The following SMARCA4 variants were observed in gnomAD, a reference collection of about 807,000 sequenced individuals.
The protein encoded by SMARCA4 is SWI/SNF-related matrix-associated actin-dependent regulator of chromatin subfamily A member 4.
A neutral mutation model predicts 193.9 loss-of-function variants in SMARCA4; 31 were observed. The ratio of observed to expected loss-of-function variants is 0.16; its 90% CI spans 0.12 to 0.22. The LOEUF (loss-of-function observed/expected upper bound fraction) is 0.22. Ranked by LOEUF, SMARCA4 falls within the 10% of genes least tolerant of loss-of-function variation. The pLI is 1.00. For missense variants in SMARCA4, 1,148 were observed against 2,296.0 expected, an observed-to-expected ratio of 0.50 and a Z score of 10.22; for synonymous variants, 942 against 933.1, an observed-to-expected ratio of 1.01 and a Z score of -0.17.
rs115248344 is a variant in SMARCA4 at position 11,059,987 on chromosome 19, T to G, written c.4769-58T>G. ...CTCCCGGCTCCCAGACGCCCCTTGC[T>G]GTGGGGGTGCTGCATTCCCAGAGCT... is the stretch of plus-strand genomic sequence containing the variant. On this transcript the variant is annotated intron_variant, in intron 33 of 34. Transcript: ENST00000344626. The G allele has an allele frequency of 4.0e-4, 646 of 1,610,190 alleles. 7 individuals carry two copies. In the African/African-American group the frequency reaches 7.9e-3, roughly 20 times the overall value.
chr19:10,980,801 G>C (rs1465318464), intron 1 of SMARCA4: 1 of 152,184 alleles, frequency 6.6e-6, no homozygotes, highest in East Asian at 1.9e-4. Context: ...GCCCAGGCTA[G>C]AGTGCAGTGG....
intron 20 of SMARCA4, 37 bp from the exon 21 acceptor site, chr19:11,024,294 A>G (rs1330681117): frequency 6.8e-7 from 1 of 1,478,544 alleles, no homozygotes; most frequent in Admixed American, 1.7e-5. Context: ...GCCTCAAGCC[A>G]CCTTGGGCCC....
At chr19:10,963,370 CAAA>C (rs755616481) in intron 1 of SMARCA4, among the ~76,000 whole-genome samples, 3 of 53,128 alleles carry the variant, frequency 5.6e-5, no homozygotes, top group African/African-American at 7.0e-5. Flanking sequence ...AAGACTGTCT[CAAA>C]AAAAAAAAAA....
intron 19 of SMARCA4, 23 bp downstream of exon 19, chr19:11,021,990 A>C (rs753218826): frequency 6.2e-7 from 1 of 1,611,478 alleles, no homozygotes; most frequent in Non-Finnish European, 8.5e-7. Context: ...AGCTGTGCCC[A>C]TGCTGACGGT....
At chr19:11,057,707 G>A (rs996535230) in intron 30 of SMARCA4, among the ~76,000 whole-genome samples, 12 of 151,342 alleles carry the variant, frequency 7.9e-5, no homozygotes, top group Non-Finnish European at 8.8e-5. Context: ...CCAGTCTGGC[G>A]ACAGAACAAG....
At chr19:10,961,363 C>T (rs2083785315) in intron 1 of SMARCA4, 189 bp downstream of exon 1, 3 of 145,210 alleles carry the variant, frequency 2.1e-5, no homozygotes, top group Admixed American at 7.0e-5. Context: ...GTCGCGAGGC[C>T]GTGGCAGCGG....
rs1019699363 is a variant in SMARCA4, at chr19:11,002,966, C to G, written c.1813-63C>G. ...TTGAGTGGGTGCTTCCCACCTTGGC[C>G]TCTGTAAGTGTTTGGTCTGGAGGCC... is the stretch of plus-strand genomic sequence containing the variant. On this transcript the variant is annotated intron_variant, in intron 11 of 34. Coordinates refer to ENST00000344626, the MANE Select transcript of SMARCA4 (RefSeq NM_003072.5). 9 of 1,603,682 alleles carry G rather than the reference C, an allele frequency of 5.6e-6. No homozygotes were observed. The East Asian group carries it at 2.0e-4, about 36-fold the overall frequency.
At chr19:10,983,976 G>A (rs1013383448) in intron 1 of SMARCA4, 145 bp from the exon 2 acceptor site, 16 of 682,986 alleles carry the variant, frequency 2.3e-5, no homozygotes, top group Middle Eastern at 3.8e-4. Context: ...AGTGATCATG[G>A]AGAAACGGTT....
intron 30 of SMARCA4, among the ~76,000 whole-genome samples, chr19:11,048,457 T>G (rs1442981123): frequency 6.6e-6 from 1 of 152,186 alleles, no homozygotes; most frequent in Non-Finnish European, 1.5e-5. Flanking sequence ...AGCTCTGCAA[T>G]TGAGTTAAAT....
chr19:11,004,734 A>G (rs748771236), intron 13 of SMARCA4, among the ~76,000 whole-genome samples: 3 of 152,056 alleles, frequency 2.0e-5, no homozygotes, highest in Non-Finnish European at 4.4e-5. Context: ...AATTTCTGAT[A>G]TGATTGGGCT....
intron 1 of SMARCA4, among the ~76,000 whole-genome samples, chr19:10,978,963 A>G (rs534285801): frequency 4.6e-5 from 7 of 152,108 alleles, no homozygotes; most frequent in East Asian, 3.9e-4. Flanking sequence ...TAAATAAATA[A>G]ATAGATAGAT....
intron 13 of SMARCA4, among the ~76,000 whole-genome samples, chr19:11,003,858 C>T (rs1015554378): frequency 2.6e-5 from 4 of 151,258 alleles, no homozygotes; most frequent in Admixed American, 2.6e-4. Flanking sequence ...ACTACAGGCG[C>T]CTGCCACCAC....
rs2075583481 is a variant in SMARCA4 at position 11,041,154 on chromosome 19, AGT to A, written c.4171-146_4171-145del. On this transcript the variant is annotated intron_variant, in intron 29 of 34. Coordinates refer to ENST00000344626, the MANE Select transcript of SMARCA4 (RefSeq NM_003072.5). This position sits in a 1 kb window ranked among gnomAD's most constrained non-coding sequence, Gnocchi z 5.6. ...AGCCCAGGCACCCCTTGAGAGTCCCAGTGTGTGTTATGCCCCGAGCCAGTCAA... is the reference window on the plus strand; with the variant it reads ...AGCCCAGGCACCCCTTGAGAGTCCCAGTGTGTTATGCCCCGAGCCAGTCAA... The A allele has an allele frequency of 1.3e-6, 1 of 759,754 alleles. No homozygotes were observed. The highest frequency in any genetic ancestry group is 2.4e-5 in the Admixed American group (1 of 42,438). The allele number at this position is 759,754 out of a possible 1,614,324, so 47.1% of individuals were successfully genotyped here.
intron 9 of SMARCA4, 155 bp from the exon 10 acceptor site, chr19:10,996,058 C>G (rs1401948982): frequency 1.2e-6 from 1 of 803,016 alleles, no homozygotes; most frequent in Admixed American, 1.8e-5. Context: ...GAAATGATTC[C>G]TGAATGAGGA....
intron 19 of SMARCA4, 126 bp from the exon 20 acceptor site, chr19:11,023,392 G>T: frequency 1.4e-6 from 1 of 705,378 alleles, no homozygotes; most frequent in South Asian, 1.5e-5. Flanking sequence ...GAAAAGCCAC[G>T]TGCCAAGGGC....
Position 11,058,223 on chromosome 19 carries a change from C to CG in SMARCA4, c.4425-27dup. The CG allele has an allele frequency of 1.3e-6, 2 of 1,504,952 alleles. No individual in the cohort carries two copies. The allele number at this position is 1,504,952 out of a possible 1,614,324, so 93.2% of individuals were successfully genotyped here. ...GTGGGGGCTCCCGGGTGGGCGGACTCGGGGGTGATAGCCGCCGGTTCTGCC... is the reference window on the plus strand; with the variant it reads ...GTGGGGGCTCCCGGGTGGGCGGACTCGGGGGGTGATAGCCGCCGGTTCTGCC... On this transcript the variant is annotated intron_variant, in intron 30 of 34. Coordinates refer to ENST00000344626, the MANE Select transcript of SMARCA4 (RefSeq NM_003072.5). This position sits in a 1 kb window ranked among gnomAD's most constrained non-coding sequence, Gnocchi z 5.8.
intron 7 of SMARCA4, among the ~76,000 whole-genome samples, chr19:10,990,770 G>A (rs906372932): frequency 1.3e-5 from 2 of 152,216 alleles, no homozygotes; most frequent in Non-Finnish European, 2.9e-5. Flanking sequence ...TGTTGCCCAG[G>A]TTGGTCTCAA....
rs534767953 is a variant in SMARCA4, at chr19:11,030,028, G to A, written c.3383-702G>A. Among the ~76,000 whole-genome samples, 1 of 152,050 alleles carries A rather than the reference G, an allele frequency of 6.6e-6. No individual in the cohort carries two copies. Among genetic ancestry groups the A allele is most frequent in the African/African-American group, 2.4e-5 (1 of 41,384 alleles). On this transcript the variant is annotated intron_variant, in intron 24 of 34. Transcript: ENST00000344626. The surrounding 1 kb of genome is among the most constrained non-coding windows in gnomAD (Gnocchi z 5.5). Reference sequence around the variant, plus strand: ...GACTTCAGTGTTCAGGGGCACCTCTGTCCGAACTCCCAGCAGCGCAGGGAG... The same window carrying A: ...GACTTCAGTGTTCAGGGGCACCTCTATCCGAACTCCCAGCAGCGCAGGGAG...
chr19:10,998,178 G>A (rs1223684200), intron 11 of SMARCA4, among the ~76,000 whole-genome samples: 2 of 152,122 alleles, frequency 1.3e-5, no homozygotes, highest in African/African-American at 2.4e-5. Context: ...GAGCCACCAC[G>A]CTTGGCTTCA....
Sources: allele counts gnomAD v4.1 joint callset (sites outside exome capture counted in the v4.1 genomes callset), GRCh38; gene constraint gnomAD v4.1.1; non-coding constraint Gnocchi (gnomAD v3.1); transcripts MANE v1.5; gene names NCBI Gene and HGNC (gene_info 2026-07-23, HGNC 2026-07-21).